NGFR: variants seen among roughly 807,000 people sequenced by gnomAD.
NGFR encodes the protein nerve growth factor receptor, also known as tumor necrosis factor receptor superfamily member 16.
NGFR carries 30 observed loss-of-function variants against 43.2 expected under a neutral mutation model. The ratio of observed to expected loss-of-function variants is 0.69; its 90% confidence interval spans 0.52 to 0.94. The LOEUF (loss-of-function observed/expected upper bound fraction) is 0.94, where lower values mean the gene tolerates loss of function less well. NGFR is among the 40% of genes least tolerant of loss of function. NGFR has a pLI of 0.00. For missense variants in NGFR, 529 were observed against 602.5 expected (o/e 0.88, Z 1.28); for synonymous variants, 246 against 259.6 (o/e 0.95, Z 0.50).
intron 1 of NGFR, 137 bp from the exon 2 acceptor site, chr17:49,501,926 C>A: frequency 1.3e-6 from 1 of 791,836 alleles, no homozygotes; most frequent in Non-Finnish European, 1.9e-6. Flanking sequence ...CTAACGCCTC[C>A]CTGGTGAGCT....
In NGFR at chr17:49,506,317, T is replaced by C. The variant is rs1030836385; in HGVS notation, c.227T>C (p.Val76Ala). Residue 76 changes from valine to alanine, a missense_variant, in exon 3 of 6, where the codon GTG (valine) becomes GCG (alanine). By Grantham distance (64) the Val-to-Ala change is moderately conservative (BLOSUM62 0). Coordinates refer to ENST00000172229, the MANE Select transcript of NGFR (RefSeq NM_002507.4). The part of the protein sequence containing the change: ...PCLDSVTFSD[V>A]VSATEPCKPC... ...CGCTCAGGCGTGACGTTCTCCGACG[T>C]GGTGAGCGCGACCGAGCCGTGCAAG... is the stretch of plus-strand genomic sequence containing the variant. 2.6e-6 allele frequency: 4 copies of C among 1,567,822 alleles called. No individual in the cohort carries two copies. Among genetic ancestry groups the C allele is most frequent in the Admixed American group, 3.5e-5 (2 of 57,566 alleles).
At chr17:49,507,098 AC>A (rs2071204436) in intron 3 of NGFR, among the ~76,000 whole-genome samples, 1 of 151,964 alleles carries the variant, frequency 6.6e-6, no homozygotes, top group African/African-American at 2.4e-5. Context: ...CAGCTTGAGG[AC>A]CCTCAGGAGC....
chr17:49,513,337 G>T lies in NGFR; in HGVS notation c.*328G>T. ...GCCAGCCCCTCCCACCACAGCAGGT[G>T]TCATATATGGGGGGCCAACACCAGG... On this transcript the variant is annotated 3_prime_UTR_variant, in exon 6 of 6. Coordinates refer to ENST00000172229, the MANE Select transcript of NGFR (RefSeq NM_002507.4). The T allele has an allele frequency of 2.7e-6, 1 of 365,150 alleles. No individual in the cohort carries two copies. Among genetic ancestry groups the T allele is most frequent in the Middle Eastern group, 7.2e-4 (1 of 1,384 alleles). The allele number at this position is 365,150 out of a possible 1,614,324, so 22.6% of individuals were successfully genotyped here. A position where few individuals can be genotyped will look rare whatever the true frequency, so the allele number is the denominator to read the frequency against.
chr17:49,505,852 A>AGGCAGGAGGCTC (rs994560871), intron 2 of NGFR: 2 of 164,894 alleles, frequency 1.2e-5, no homozygotes, highest in African/African-American at 4.8e-5. Context: ...AAGGCAGATG[A>AGGCAGGAGGCTC]GGCAGGAGGC....
chr17:49,512,659 G>A lies in NGFR; in HGVS notation c.983-49G>A, dbSNP rs1311133362. Reference sequence around the variant, plus strand: ...GTCTCACCCCAGTGCCCACTGTTGGGGAAAGGAGTTCAGGGGTAGGACCTG... The same window carrying A: ...GTCTCACCCCAGTGCCCACTGTTGGAGAAAGGAGTTCAGGGGTAGGACCTG... On this transcript the variant is annotated intron_variant, in intron 5 of 5. Transcript: ENST00000172229. The surrounding 1 kb of genome is among the most constrained non-coding windows in gnomAD (Gnocchi z 5.2). 1 of 1,528,858 alleles carries A rather than the reference G, an allele frequency of 6.5e-7. No individual in the cohort carries two copies. Among genetic ancestry groups the A allele is most frequent in the Non-Finnish European group, 8.8e-7 (1 of 1,136,488 alleles). The allele number at this position is 1,528,858 out of a possible 1,614,324, so 94.7% of individuals were successfully genotyped here. A position where few individuals can be genotyped will look rare whatever the true frequency, so the allele number is the denominator to read the frequency against.
intron 1 of NGFR, among the ~76,000 whole-genome samples, chr17:49,500,360 C>T (rs549778072): frequency 4.6e-5 from 7 of 152,320 alleles, no homozygotes; most frequent in Admixed American, 3.3e-4. Context: ...TTCAACTCCA[C>T]GCGTGTATGC....
chr17:49,506,105 C>G, intron 2 of NGFR, 194 bp from the exon 3 acceptor site: 1 of 1,139,816 alleles, frequency 8.8e-7, no homozygotes, highest in South Asian at 2.1e-5. Context: ...GGCCTCCTCC[C>G]CCTTTCCCAG....
chr17:49,513,113 C>A lies in NGFR; in HGVS notation c.*104C>A. 1 of 1,243,898 alleles carries A rather than the reference C, an allele frequency of 8.0e-7. No individual in the cohort carries two copies. Among genetic ancestry groups the A allele is most frequent in the Non-Finnish European group, 1.1e-6 (1 of 924,560 alleles). 77.1% of individuals were successfully genotyped at this position (1,243,898 alleles called of 1,614,324 possible). The stretch of plus-strand genomic sequence containing the variant: ...CACCCTTTGGGGGGGGCCCGCCTGG[C>A]AGAACTGAGCTCCTCTGGGCAGGAC... On this transcript the variant is annotated 3_prime_UTR_variant, in exon 6 of 6. Coordinates refer to ENST00000172229, the MANE Select transcript of NGFR (RefSeq NM_002507.4).
intron 2 of NGFR, among the ~76,000 whole-genome samples, chr17:49,502,815 T>TCTTCCTTCCTTCCTTC (rs10672288): frequency 0.031 from 3,787 of 121,502 alleles, 102 homozygotes; most frequent in Admixed American, 0.039. Flanking sequence ...GCCTGGGATT[T>TCTTCCTTCCTTCCTTC]CTTCCTTCCT....
chr17:49,506,151 G>A (rs1001788446), intron 2 of NGFR, 148 bp from the exon 3 acceptor site: 3 of 1,414,932 alleles, frequency 2.1e-6, no homozygotes, highest in Non-Finnish European at 9.2e-7. Flanking sequence ...TAGGGGTCAG[G>A]GTCCCTTGGA....
chr17:49,504,826 C>T (rs2071187680), intron 2 of NGFR, among the ~76,000 whole-genome samples: 3 of 139,816 alleles, frequency 2.1e-5, no homozygotes, highest in South Asian at 4.7e-4. Context: ...GGCTGGAGTG[C>T]ACTGGTGCAG....
rs11466133 is a variant in NGFR at position 49,502,000 on chromosome 17, ACC to A, written c.67-56_67-55del. ...GGAGGGTGTTTGATTCCCCGGAAGA[ACC>A]CCCCCCAACCCACCCCAGCTTTCTC... On this transcript the variant is annotated intron_variant, in intron 1 of 5. Coordinates refer to ENST00000172229, the MANE Select transcript of NGFR (RefSeq NM_002507.4). The A allele has an allele frequency of 5.7e-5, 15 of 264,886 alleles. 5 individuals are homozygous for A. The highest frequency in any genetic ancestry group is 1.2e-4 in the Non-Finnish European group (15 of 126,768). 16.4% of individuals were successfully genotyped at this position (264,886 alleles called of 1,614,324 possible).
rs2071241341 is a variant in NGFR, at chr17:49,512,671, AG to A, written c.983-33del. 12 of 1,535,754 alleles carry A rather than the reference AG, an allele frequency of 7.8e-6. No individual in the cohort carries two copies. The highest frequency in any genetic ancestry group is 1.1e-5 in the Non-Finnish European group (12 of 1,139,852). On this transcript the variant is annotated intron_variant, in intron 5 of 5. Transcript: ENST00000172229. The surrounding 1 kb of genome is among the most constrained non-coding windows in gnomAD (Gnocchi z 5.2). ...TGCCCACTGTTGGGGAAAGGAGTTC[AG>A]GGGTAGGACCTGACTCTCCTCTGGT... is the stretch of plus-strand genomic sequence containing the variant.
Position 49,506,359 on chromosome 17 carries a change from TG to T in NGFR, c.273del (p.Leu92SerfsTer133). 1 of 1,595,468 alleles carries T rather than the reference TG, an allele frequency of 6.3e-7. No individual in the cohort carries two copies. Among genetic ancestry groups the T allele is most frequent in the East Asian group, 2.2e-5 (1 of 44,506 alleles). ...CCGTGCAAGCCGTGCACCGAGTGCGTGGGGCTCCAGAGCATGTCGGCGCCGT... is the reference window on the plus strand; with the variant it reads ...CCGTGCAAGCCGTGCACCGAGTGCGTGGGCTCCAGAGCATGTCGGCGCCGT... ...TEPCKPCTECVGLQSMSAPCV... is the reference protein window; with the variant it reads ...TEPCKPCTECXGLQSMSAPCV... On this transcript the variant is annotated frameshift_variant, in exon 3 of 6. Transcript: ENST00000172229. LOFTEE classifies it high-confidence loss of function.
intron 2 of NGFR, among the ~76,000 whole-genome samples, chr17:49,503,487 G>A (rs752453734): frequency 4.6e-5 from 7 of 152,130 alleles, no homozygotes; most frequent in Non-Finnish European, 8.8e-5. Flanking sequence ...TCTTTAATCC[G>A]GCTGGGAATA....
intron 3 of NGFR, among the ~76,000 whole-genome samples, 168 bp from the exon 4 acceptor site, chr17:49,510,244 G>A (rs924419887): frequency 1.3e-5 from 2 of 152,226 alleles, no homozygotes; most frequent in African/African-American, 4.8e-5. Context: ...CACAGGCCTT[G>A]CTCTTTAGCA....
rs1430108993 is a variant in NGFR at position 49,495,298 on chromosome 17, G to A, written c.-120G>A. 1.7e-5 allele frequency: 14 copies of A among 825,900 alleles called. No individual in the cohort carries two copies. The highest frequency in any genetic ancestry group is 2.1e-5 in the Non-Finnish European group (13 of 620,434). The allele number at this position is 825,900 out of a possible 1,614,324, so 51.2% of individuals were successfully genotyped here. On this transcript the variant is annotated 5_prime_UTR_variant, in exon 1 of 6. Coordinates refer to ENST00000172229, the MANE Select transcript of NGFR (RefSeq NM_002507.4). This position sits in a 1 kb window ranked among gnomAD's most constrained non-coding sequence, Gnocchi z 6.4. ...AGCCTCTCCCGCCCGCAGCCAGAGC[G>A]AGCCGAGCCGCGGCCAGCTCCGGCG... is the stretch of plus-strand genomic sequence containing the variant.
Position 49,495,732 on chromosome 17 carries a change from G to T in NGFR, c.66+249G>T. 5.1e-6 allele frequency: 2 copies of T among 393,774 alleles called. No homozygotes were observed. The highest frequency in any genetic ancestry group is 7.2e-5 in the East Asian group (2 of 27,628). The allele number at this position is 393,774 out of a possible 1,614,324, so 24.4% of individuals were successfully genotyped here. On this transcript the variant is annotated intron_variant, in intron 1 of 5. Transcript: ENST00000172229. The surrounding 1 kb of genome is among the most constrained non-coding windows in gnomAD (Gnocchi z 6.4). Reference sequence around the variant, plus strand: ...GATGCCGGTCCTCAGGTACCGCAGGGGGCGGTGGGGGAGCTGGGAGGGGTC... The same window carrying T: ...GATGCCGGTCCTCAGGTACCGCAGGTGGCGGTGGGGGAGCTGGGAGGGGTC...
rs151282989 is a variant in NGFR, at chr17:49,503,039, C to T, written c.208+835C>T. Among the ~76,000 whole-genome samples, 70 of 152,226 alleles carry T rather than the reference C, an allele frequency of 4.6e-4. 1 individual carries two copies. The highest frequency in any genetic ancestry group is 1.6e-3 in the African/African-American group (67 of 41,514). The stretch of plus-strand genomic sequence containing the variant: ...CAAGTGATTCTCATGCCTCAGCCTC[C>T]TGAGTAGCTGGGACTACGGGTGCAT... On this transcript the variant is annotated intron_variant, in intron 2 of 5. Coordinates refer to ENST00000172229, the MANE Select transcript of NGFR (RefSeq NM_002507.4).
Sources: allele counts gnomAD v4.1 joint callset (sites outside exome capture counted in the v4.1 genomes callset), GRCh38; gene constraint gnomAD v4.1.1; non-coding constraint Gnocchi (gnomAD v3.1); transcripts MANE v1.5; gene names NCBI Gene and HGNC (gene_info 2026-07-23, HGNC 2026-07-21).